Variants in PPP2R5C observed in about 807,000 individuals in gnomAD.
PPP2R5C encodes the protein serine/threonine-protein phosphatase 2A 56 kDa regulatory subunit gamma isoform.
A neutral mutation model predicts 68.9 loss-of-function variants in PPP2R5C; 7 were observed. The observed-to-expected ratio is 0.10, with a 90% CI of 0.06 to 0.19. PPP2R5C has a LOEUF of 0.19. Ranked by LOEUF, PPP2R5C falls within the 10% of genes least tolerant of loss-of-function variation. PPP2R5C has a pLI of 1.00. For missense variants in PPP2R5C, 348 were observed against 641.3 expected (o/e 0.54, Z 4.94); for synonymous variants, 210 against 222.2 (o/e 0.95, Z 0.49).
exon 14 of PPP2R5C, chr14:101,925,263 C>T (rs963274815): frequency 2.5e-6 from 4 of 1,612,826 alleles, no homozygotes; most frequent in Admixed American, 1.7e-5. Context: ...CCTCCCAGGA[C>T]GGCCGCTAGC....
intron 9 of PPP2R5C, among the ~76,000 whole-genome samples, chr14:101,902,262 C>T (rs779832588): frequency 5.9e-5 from 9 of 152,178 alleles, no homozygotes; most frequent in Non-Finnish European, 1.0e-4. Context: ...GCTGCCGAGG[C>T]CCTTCGTTCC....
At chr14:101,896,440 G>T (rs370009011) in intron 8 of PPP2R5C, among the ~76,000 whole-genome samples, 1 of 151,952 alleles carries the variant, frequency 6.6e-6, no homozygotes, top group Non-Finnish European at 1.5e-5. Flanking sequence ...ACCAAAATCT[G>T]TATATCTTCT....
chr14:101,893,870 T>C lies in PPP2R5C; in HGVS notation c.799-637T>C, dbSNP rs528697698. On this transcript the variant is annotated intron_variant, in intron 7 of 13. Coordinates refer to ENST00000334743, the Ensembl canonical transcript of PPP2R5C. The stretch of plus-strand genomic sequence containing the variant: ...TTAATGGACTGCATTTACCTGGATT[T>C]GGTTTTCTCTCACTCTTTGGCTGCA... Among the ~76,000 whole-genome samples the C allele has an allele frequency of 6.6e-5, 10 of 152,354 alleles. No individual in the cohort carries two copies. In the East Asian group the frequency reaches 1.7e-3, roughly 26 times the overall value.
At chr14:101,760,966 AGGGG>A (rs1236759001), upstream of PPP2R5C, among the ~76,000 whole-genome samples, 5 of 65,830 alleles carry the variant, frequency 7.6e-5, no homozygotes, top group South Asian at 7.3e-4. Flanking sequence ...GGGCTGGTCG[AGGGG>A]AGGGGAGGGG....
At position 101,882,158 on chromosome 14, in the gene PPP2R5C, T is replaced by C. The variant is rs1349315242; in HGVS notation, c.295-3T>C. Reference sequence around the variant, plus strand: ...TTGTAATTATAGAATATGTGGATTTTAGTTTGCAGTTAACATGTTTCGAAC... The same window carrying C: ...TTGTAATTATAGAATATGTGGATTTCAGTTTGCAGTTAACATGTTTCGAAC... On this transcript the variant is annotated splice_region_variant and splice_polypyrimidine_tract_variant and intron_variant, in intron 2 of 13. Coordinates refer to ENST00000334743, the Ensembl canonical transcript of PPP2R5C. This position sits in a 1 kb window ranked among gnomAD's most constrained non-coding sequence, Gnocchi z 4.9. The C allele has an allele frequency of 1.3e-6, 2 of 1,583,838 alleles. No individual in the cohort carries two copies. Among genetic ancestry groups the C allele is most frequent in the Non-Finnish European group, 1.7e-6 (2 of 1,161,900 alleles).
intron 3 of PPP2R5C, among the ~76,000 whole-genome samples, chr14:101,791,774 T>C (rs1044440788): frequency 2.0e-5 from 3 of 152,170 alleles, no homozygotes; most frequent in African/African-American, 7.2e-5. Context: ...ACAAGTTTAG[T>C]ATAGTATACT....
exon 4 of PPP2R5C, chr14:101,883,298 T>C: frequency 1.3e-6 from 2 of 1,589,214 alleles, no homozygotes; most frequent in African/African-American, 1.4e-5. Context: ...AGTCTCCAGA[T>C]TTCCAACCTA....
At chr14:101,832,054 G>T (rs1251918647) in intron 1 of PPP2R5C, among the ~76,000 whole-genome samples, 3 of 152,220 alleles carry the variant, frequency 2.0e-5, no homozygotes, top group African/African-American at 7.2e-5. Context: ...GATCAGCAAA[G>T]GCTGAGAGCA....
At chr14:101,811,478 C>T (rs1222331932) in intron 1 of PPP2R5C, among the ~76,000 whole-genome samples, 1 of 152,084 alleles carries the variant, frequency 6.6e-6, no homozygotes, top group East Asian at 1.9e-4. Context: ...GTAGCTGAGA[C>T]TTCAGGCACG....
intron 1 of PPP2R5C, among the ~76,000 whole-genome samples, chr14:101,847,953 G>T (rs1014095297): frequency 3.9e-5 from 6 of 152,072 alleles, no homozygotes; most frequent in African/African-American, 1.2e-4. Context: ...ACTGTGCCCG[G>T]CATGAGCCAG....
chr14:101,873,352 T>C (rs1262336949), intron 2 of PPP2R5C, among the ~76,000 whole-genome samples: 2 of 152,258 alleles, frequency 1.3e-5, no homozygotes, highest in African/African-American at 4.8e-5. Context: ...GCTATATCTC[T>C]ATTCATGTTC....
intron 13 of PPP2R5C, among the ~76,000 whole-genome samples, chr14:101,920,659 T>TTTTAGAATTA (rs1413969867): frequency 2.0e-5 from 3 of 152,246 alleles, no homozygotes; most frequent in African/African-American, 7.2e-5. Context: ...AGAAAGCTAA[T>TTTTAGAATTA]TCTAAAATTC....
chr14:101,770,923 C>T (rs188728846), intron 2 of PPP2R5C, among the ~76,000 whole-genome samples: 147 of 152,340 alleles, frequency 9.6e-4, no homozygotes, highest in African/African-American at 3.3e-3. Context: ...TATTTCAATT[C>T]GAAGATGGGT....
chr14:101,887,646 G>A (rs1175897443), intron 5 of PPP2R5C, among the ~76,000 whole-genome samples: 2 of 152,178 alleles, frequency 1.3e-5, no homozygotes, highest in African/African-American at 4.8e-5. Flanking sequence ...GTCCAAGAGG[G>A]GAGAGGCAGG....
At chr14:101,823,180 G>C (rs1345783739) in intron 1 of PPP2R5C, among the ~76,000 whole-genome samples, 1 of 152,242 alleles carries the variant, frequency 6.6e-6, no homozygotes, top group South Asian at 2.1e-4. Flanking sequence ...GAGTTCTTTG[G>C]CAGGAAATGG....
chr14:101,827,947 T>C (rs1219748617), intron 1 of PPP2R5C, among the ~76,000 whole-genome samples: 1 of 152,196 alleles, frequency 6.6e-6, no homozygotes, highest in East Asian at 1.9e-4. Flanking sequence ...AAAATGTCTT[T>C]TTTGTAGGAT....
In PPP2R5C at chr14:101,825,666, A is replaced by T. The variant is rs2040356924; in HGVS notation, c.94+15630A>T. ...GGCATTTCATTTAGTTGAATGAACCAGTTTTGTTGTATTTCAGATATTCTC... is the reference window on the plus strand; with the variant it reads ...GGCATTTCATTTAGTTGAATGAACCTGTTTTGTTGTATTTCAGATATTCTC... On this transcript the variant is annotated intron_variant, in intron 1 of 13. Coordinates refer to ENST00000334743, the Ensembl canonical transcript of PPP2R5C. The surrounding 1 kb of genome is among the most constrained non-coding windows in gnomAD (Gnocchi z 4.0). Among the ~76,000 whole-genome samples the T allele has an allele frequency of 6.6e-6, 1 of 152,184 alleles. No homozygotes were observed. Among genetic ancestry groups the T allele is most frequent in the African/African-American group, 2.4e-5 (1 of 41,428 alleles).
upstream of PPP2R5C, among the ~76,000 whole-genome samples, chr14:101,809,404 A>C (rs188784731): frequency 0.13 from 18,888 of 149,968 alleles, 1,240 homozygotes; most frequent in Admixed American, 0.18. Context: ...AAAAAAAAAA[A>C]CAAAAAAAAA....
Position 101,786,669 on chromosome 14 carries a change from T to C in PPP2R5C, c.259+486T>C, listed in dbSNP as rs1427531537. On this transcript the variant is annotated intron_variant, in intron 3 of 14. Transcript: ENST00000328724. ...TGAGGATTACCTCTACTCAAGCATT[T>C]CTTATATGAAATTAGGAAAAAGTGC... 6.6e-5 allele frequency among the ~76,000 whole-genome samples: 10 copies of C among 152,318 alleles called. No individual in the cohort carries two copies. In the East Asian group the frequency reaches 1.9e-3, roughly 29 times the overall value.
Sources: allele counts gnomAD v4.1 joint callset (sites outside exome capture counted in the v4.1 genomes callset), GRCh38; gene constraint gnomAD v4.1.1; non-coding constraint Gnocchi (gnomAD v3.1); transcripts MANE v1.5; gene names NCBI Gene and HGNC (gene_info 2026-07-23, HGNC 2026-07-21).